The following MACF1 variants were observed in gnomAD, a reference collection of about 807,000 sequenced individuals.
The protein encoded by MACF1 is microtubule-actin cross-linking factor 1.
MACF1 carries 193 observed loss-of-function variants against 854.8 expected under a neutral mutation model. The ratio of observed to expected loss-of-function variants is 0.23; its 90% CI spans 0.20 to 0.25. The LOEUF (loss-of-function observed/expected upper bound fraction) is 0.25. MACF1 is among the 10% of genes least tolerant of loss of function. The pLI is 1.00. For synonymous variants in MACF1, 3,185 were observed against 3,226.7 expected (o/e 0.99, Z 0.44); for missense variants, 7,722 against 8,929.1 (o/e 0.86, Z 5.45).
chr1:39,221,000 G>T (rs907711671), intron 1 of MACF1, among the ~76,000 whole-genome samples: 7 of 152,134 alleles, frequency 4.6e-5, no homozygotes, highest in African/African-American at 1.4e-4. Context: ...TTGAAAGGAG[G>T]TTCTAAGTTA....
In MACF1 at chr1:39,481,024, C is replaced by G; in HGVS notation, c.22275C>G (p.Thr7425=). Residue 7425 remains threonine, a synonymous_variant, in exon 99 of 101, where the codon ACC becomes ACG. Coordinates refer to ENST00000564288, the MANE Select transcript of MACF1 (RefSeq NM_001394062.1). ...DSHSPDLQLP[T]PEVIPSSGSK... ...ATTCTCCTGACCTCCAGCTGCCCACCCCCGAGGTAGAGTATGGCTTTGCTG... is the reference window on the plus strand; with the variant it reads ...ATTCTCCTGACCTCCAGCTGCCCACGCCCGAGGTAGAGTATGGCTTTGCTG... 1 of 1,548,416 alleles carries G rather than the reference C, an allele frequency of 6.5e-7. No individual in the cohort carries two copies. The highest frequency in any genetic ancestry group is 2.4e-5 in the East Asian group (1 of 40,894).
chr1:39,438,761 G>GGAGC, intron 71 of MACF1, among the ~76,000 whole-genome samples: 1 of 151,324 alleles, frequency 6.6e-6, no homozygotes, highest in South Asian at 2.1e-4. Context: ...CTGGGTGACA[G>GGAGC]AGTGAAATTC....
At chr1:39,440,913 C>T (rs1644102068) in intron 72 of MACF1, 90 bp from the exon 73 acceptor site, 1 of 1,302,764 alleles carries the variant, frequency 7.7e-7, no homozygotes. Flanking sequence ...TGAGCATCTG[C>T]TATTGATGGG....
intron 2 of MACF1, among the ~76,000 whole-genome samples, chr1:39,091,193 G>A (rs1052306582): frequency 1.3e-5 from 2 of 152,182 alleles, no homozygotes; most frequent in African/African-American, 4.8e-5. Context: ...GTCAGGGGAG[G>A]ATTCTGCCTG....
chr1:39,204,286 T>G (rs1644425636), upstream of MACF1: 1 of 152,204 alleles, frequency 6.6e-6, no homozygotes, highest in Non-Finnish European at 1.5e-5. Context: ...CCAGACGGAT[T>G]TTTTTAACCC....
rs1643193323 is a variant in MACF1, at chr1:39,414,423, A to C, written c.15817-7951A>C. 2.5e-6 allele frequency: 4 copies of C among 1,614,052 alleles called. No homozygotes were observed. The African/African-American group carries it at 5.3e-5, about 22-fold the overall frequency. ...TTGGCATAAAAGAGGTGACCAGCAC[A>C]GTGCTACATGGGAAAGTGCCTCTGG... On this transcript the variant is annotated intron_variant, in intron 58 of 100. Coordinates refer to ENST00000564288, the MANE Select transcript of MACF1 (RefSeq NM_001394062.1).
intron 2 of MACF1, among the ~76,000 whole-genome samples, chr1:39,235,124 A>G (rs59535120): frequency 0.032 from 3,585 of 113,604 alleles, no homozygotes; most frequent in Non-Finnish European, 0.043. Flanking sequence ...CAGAGGCTGC[A>G]ATCTCGGCAC....
intron 58 of MACF1, chr1:39,412,001 C>T: frequency 6.2e-7 from 1 of 1,613,916 alleles, no homozygotes; most frequent in South Asian, 1.1e-5. Context: ...CCTTTTAGCC[C>T]CAGGACTGCA....
chr1:39,361,771 T>C, intron 49 of MACF1, 94 bp downstream of exon 49: 1 of 1,111,848 alleles, frequency 9.0e-7, no homozygotes, highest in Non-Finnish European at 1.3e-6. Flanking sequence ...TCAGTCAGTA[T>C]ACTGGAAACT....
intron 1 of MACF1, among the ~76,000 whole-genome samples, chr1:39,225,217 C>CTTTTTTCT (rs1553171335): frequency 1.6e-5 from 2 of 125,198 alleles, no homozygotes; most frequent in Non-Finnish European, 3.2e-5. Context: ...TTTCTTTTTT[C>CTTTTTTCT]TTTTTTTTTT....
intron 2 of MACF1, among the ~76,000 whole-genome samples, chr1:39,085,327 C>T (rs1642775589): frequency 6.6e-6 from 1 of 152,224 alleles, no homozygotes; most frequent in African/African-American, 2.4e-5. Context: ...AGCTGCCTCC[C>T]TGAAGTGTGC....
At chr1:39,424,393 A>G (rs2148640674) in intron 61 of MACF1, among the ~76,000 whole-genome samples, 199 bp downstream of exon 61, 1 of 152,312 alleles carries the variant, frequency 6.6e-6, no homozygotes, top group Admixed American at 6.5e-5. Context: ...GCATCTTCAT[A>G]AATTTCCGAG....
rs892579801 is a variant in MACF1 at position 39,452,308 on chromosome 1, C to G, written c.20571C>G (p.Leu6857=). The G allele has an allele frequency of 6.8e-6, 11 of 1,613,962 alleles. No homozygotes were observed. In the East Asian group the frequency reaches 2.5e-4, roughly 36 times the overall value. The change falls in exon 86 of 101, where the codon CTC becomes CTG. Residue 6857 remains leucine (L), a synonymous_variant. Transcript: ENST00000564288. Reference sequence around the variant, plus strand: ...CTCGCTGGGACACTGTCTGTAAACTCTCTGTTTCCAAACAAAGCCGGCTTG... The same window carrying G: ...CTCGCTGGGACACTGTCTGTAAACTGTCTGTTTCCAAACAAAGCCGGCTTG... ...LSTRWDTVCK[L]SVSKQSRLEQ... is the part of the protein sequence containing the mutation.
At chr1:39,174,934 A>G (rs1406422440) in intron 2 of MACF1, among the ~76,000 whole-genome samples, 1 of 152,250 alleles carries the variant, frequency 6.6e-6, no homozygotes, top group African/African-American at 2.4e-5. Flanking sequence ...CCCTGGCCAT[A>G]GTAAGAGATG....
chr1:39,336,676 T>A, intron 37 of MACF1, 23 bp downstream of exon 37: 6 of 1,548,084 alleles, frequency 3.9e-6, no homozygotes, highest in Non-Finnish European at 5.2e-6. Flanking sequence ...CTTTTTTTTT[T>A]TTCTTCCTAA....
intron 2 of MACF1, among the ~76,000 whole-genome samples, chr1:39,167,428 CG>C (rs1270791883): frequency 6.6e-6 from 1 of 150,870 alleles, no homozygotes; most frequent in Non-Finnish European, 1.5e-5. Context: ...AAAATTAGAC[CG>C]GGCGCGGTGG....
chr1:39,286,981 G>C (rs1645656881), intron 14 of MACF1, among the ~76,000 whole-genome samples: 1 of 150,820 alleles, frequency 6.6e-6, no homozygotes, highest in African/African-American at 2.4e-5. Context: ...ATTTTTTTGA[G>C]ACAAGGTCTT....
At chr1:39,300,420 C>G (rs1386549124) in intron 22 of MACF1, 58 bp downstream of exon 22, 3 of 1,523,848 alleles carry the variant, frequency 2.0e-6, no homozygotes, top group African/African-American at 1.4e-5. Flanking sequence ...AGAAGGGAAG[C>G]CTTCAGTTAG....
At chr1:39,302,299 A>G (rs890241265) in intron 22 of MACF1, among the ~76,000 whole-genome samples, 12 of 152,160 alleles carry the variant, frequency 7.9e-5, no homozygotes, top group African/African-American at 2.9e-4. Flanking sequence ...TGCCTGGCCA[A>G]TTGTACTGTT....
Sources: gnomAD v4.1 joint callset for allele counts (sites outside exome capture counted in the v4.1 genomes callset) on GRCh38, gnomAD v4.1.1 for gene constraint, MANE v1.5 for transcripts, NCBI Gene and HGNC (gene_info 2026-07-23, HGNC 2026-07-21) for gene names.